KIAA1671: variants seen among roughly 807,000 people sequenced by gnomAD.
KIAA1671 encodes KIAA1671.
Under a neutral mutation model 131.2 loss-of-function variants are expected in KIAA1671, and 52 were observed. The ratio of observed to expected loss-of-function variants is 0.40; its 90% CI spans 0.32 to 0.50. The LOEUF (loss-of-function observed/expected upper bound fraction) is 0.50. Ranked by LOEUF, KIAA1671 falls within the 20% of genes least tolerant of loss-of-function variation. The probability of loss-of-function intolerance (pLI) is 0.73; values close to 1 mark genes in which losing one functional copy is unlikely to be tolerated. For synonymous variants in KIAA1671, 1,003 were observed against 961.6 expected (o/e 1.04, Z -0.80); for missense variants, 2,360 against 2,364.2 (o/e 1.00, Z 0.04).
intron 1 of KIAA1671, among the ~76,000 whole-genome samples, chr22:24,988,735 CAA>C (rs133092): frequency 0.15 from 15,574 of 106,324 alleles, 999 homozygotes; most frequent in East Asian, 0.45. Flanking sequence ...GACTCCATCT[CAA>C]AAAAAAAAAA....
At chr22:25,140,231 A>C (rs1199778625) in intron 6 of KIAA1671, among the ~76,000 whole-genome samples, 3 of 152,180 alleles carry the variant, frequency 2.0e-5, no homozygotes, top group Non-Finnish European at 2.9e-5. Flanking sequence ...GGCCCTGGCC[A>C]CTTGCTGGCT....
Position 25,055,857 on chromosome 22 carries a change from G to A in KIAA1671, c.4530+6493G>A, listed in dbSNP as rs1401647495. On this transcript the variant is annotated intron_variant, in intron 6 of 12. Transcript: ENST00000358431. The stretch of plus-strand genomic sequence containing the variant: ...ATATAGATACAGATACAGATATAGA[G>A]AGAGAGACAGGCAAACAGACAGACA... 3.4e-5 allele frequency: 5 copies of A among 149,250 alleles called. 1 individual carries two copies. The South Asian group carries it at 7.0e-4, about 21-fold the overall frequency. 9.2% of individuals were successfully genotyped at this position (149,250 alleles called of 1,614,324 possible).
At chr22:25,101,527 G>T (rs1006941313) in intron 6 of KIAA1671, among the ~76,000 whole-genome samples, 1 of 152,144 alleles carries the variant, frequency 6.6e-6, no homozygotes, top group Non-Finnish European at 1.5e-5. Flanking sequence ...TCATCCCAAG[G>T]TTAAAGACAT....
At position 25,040,948 on chromosome 22, in the gene KIAA1671, C is replaced by T. The variant is rs1040626705; in HGVS notation, c.3818C>T (p.Thr1273Ile). Residue 1273 changes from threonine (T) to isoleucine (I), a missense_variant, in exon 5 of 13, where the codon ACT becomes ATT. Physicochemically the swap from Thr to Ile is moderately conservative, Grantham distance 89. This residue lies in a region of KIAA1671 where 1,161 missense variants were observed against 1,204.7 expected (regional missense o/e 0.96). Coordinates refer to ENST00000358431, the MANE Select transcript of KIAA1671 (RefSeq NM_001145206.2). Reference sequence around the variant, plus strand: ...TCTGCCGAAATAAATCACAGTTTCACTCCTGGCTTAGGCAAGCAGCTGGCA... The same window carrying T: ...TCTGCCGAAATAAATCACAGTTTCATTCCTGGCTTAGGCAAGCAGCTGGCA... ...ASSAEINHSF[T>I]PGLGKQLAET... 1.9e-5 allele frequency: 28 copies of T among 1,479,916 alleles called. No homozygotes were observed. The highest frequency in any genetic ancestry group is 7.1e-5 in the African/African-American group (5 of 70,600). The allele number at this position is 1,479,916 out of a possible 1,614,324, so 91.7% of individuals were successfully genotyped here.
rs188997077 is a variant in KIAA1671, at chr22:25,159,980, C to T, written c.4531-10840C>T. 6.1e-4 allele frequency among the ~76,000 whole-genome samples: 93 copies of T among 152,216 alleles called. 2 individuals are homozygous for T. The highest frequency in any genetic ancestry group is 3.4e-3 in the Middle Eastern group (1 of 294). ...TTCATCATTAATTAGGTGGGTGCACCGCCAACACTGTGAACAATCTGAATA... is the reference window on the plus strand; with the variant it reads ...TTCATCATTAATTAGGTGGGTGCACTGCCAACACTGTGAACAATCTGAATA... On this transcript the variant is annotated intron_variant, in intron 6 of 12. Coordinates refer to ENST00000358431, the MANE Select transcript of KIAA1671 (RefSeq NM_001145206.2).
chr22:25,122,446 T>C (rs141029505), intron 6 of KIAA1671, among the ~76,000 whole-genome samples: 1 of 152,314 alleles, frequency 6.6e-6, no homozygotes, highest in East Asian at 1.9e-4. Flanking sequence ...CCCCTTAGTC[T>C]ACATGTTATT....
intron 6 of KIAA1671, among the ~76,000 whole-genome samples, chr22:25,098,181 A>C (rs1930482323): frequency 6.6e-6 from 1 of 152,216 alleles, no homozygotes. Context: ...TACTTGGAGG[A>C]GAGAGCAGCA....
At chr22:25,034,810 T>A (rs1926500203) in intron 4 of KIAA1671, among the ~76,000 whole-genome samples, 1 of 152,102 alleles carries the variant, frequency 6.6e-6, no homozygotes, top group Admixed American at 6.5e-5. Context: ...CGATCTCGGC[T>A]CACTGCAAGC....
intron 6 of KIAA1671, among the ~76,000 whole-genome samples, chr22:25,129,610 C>T (rs181909859): frequency 1.1e-3 from 172 of 151,040 alleles, no homozygotes; most frequent in African/African-American, 4.0e-3. Context: ...AAGCAGCTTG[C>T]TTGATGGCAT....
rs1186514130 is a variant in KIAA1671, at chr22:25,181,693, C to T, written c.5075-6C>T. 9 of 1,551,266 alleles carry T rather than the reference C, an allele frequency of 5.8e-6. No homozygotes were observed. The highest frequency in any genetic ancestry group is 7.0e-6 in the Non-Finnish European group (8 of 1,146,850). Reference sequence around the variant, plus strand: ...GATGAATTCAGTGCCCTTTTCTTTGCAACAGAGGAGAAATCACCCAGGAAG... The same window carrying T: ...GATGAATTCAGTGCCCTTTTCTTTGTAACAGAGGAGAAATCACCCAGGAAG... On this transcript the variant is annotated splice_region_variant and splice_polypyrimidine_tract_variant and intron_variant, in intron 9 of 12. Transcript: ENST00000358431.
intron 6 of KIAA1671, among the ~76,000 whole-genome samples, chr22:25,146,620 AG>A (rs902556455): frequency 1.3e-5 from 2 of 152,208 alleles, no homozygotes; most frequent in African/African-American, 2.4e-5. Context: ...TTTGTTCCCC[AG>A]GGCAGGTGAC....
rs1202423915 is a variant in KIAA1671 at position 25,194,714 on chromosome 22, A to C, written c.*2313A>C. 1 of 152,230 alleles carries C rather than the reference A, an allele frequency of 6.6e-6. No individual in the cohort carries two copies. Among genetic ancestry groups the C allele is most frequent in the African/African-American group, 2.4e-5 (1 of 41,466 alleles). 9.4% of individuals were successfully genotyped at this position (152,230 alleles called of 1,614,324 possible). On this transcript the variant is annotated 3_prime_UTR_variant, in exon 13 of 13. Transcript: ENST00000358431. ...TTGAAAGTGACTAGGGCAAGCCCTG[A>C]AGATCTTCCTCACCTCCTTTTATTT...
At chr22:25,178,194 A>G (rs1844878139) in intron 9 of KIAA1671, among the ~76,000 whole-genome samples, 1 of 152,150 alleles carries the variant, frequency 6.6e-6, no homozygotes, top group Admixed American at 6.5e-5. Context: ...ACCATCCTCC[A>G]AGGCCAGCAC....
At chr22:25,014,909 G>A (rs560924301) in intron 1 of KIAA1671, 2 of 152,172 alleles carry the variant, frequency 1.3e-5, no homozygotes, top group South Asian at 2.1e-4. Context: ...TAAAGCAGGG[G>A]TCAGCAAATT....
chr22:24,996,988 C>T (rs1924174251), intron 1 of KIAA1671, among the ~76,000 whole-genome samples: 1 of 152,184 alleles, frequency 6.6e-6, no homozygotes, highest in Non-Finnish European at 1.5e-5. Context: ...CGAATTTTAC[C>T]TTCTGTATGC....
chr22:24,995,051 T>G (rs912004104), intron 1 of KIAA1671, among the ~76,000 whole-genome samples: 8 of 150,990 alleles, frequency 5.3e-5, no homozygotes, highest in Non-Finnish European at 1.0e-4. Flanking sequence ...GTTAGGTTTT[T>G]TTTTTTTTTT....
rs1450892323 is a variant in KIAA1671 at position 25,093,718 on chromosome 22, C to T, written c.4530+44354C>T. ...ACACACACACACACACACACACACA[C>T]ACACACACACACACACACACTCTCT... is the stretch of plus-strand genomic sequence containing the variant. On this transcript the variant is annotated intron_variant, in intron 6 of 12. Coordinates refer to ENST00000358431, the MANE Select transcript of KIAA1671 (RefSeq NM_001145206.2). 4.8e-5 allele frequency among the ~76,000 whole-genome samples: 6 copies of T among 124,718 alleles called. 2 individuals are homozygous for T. Among genetic ancestry groups the T allele is most frequent in the African/African-American group, 2.7e-4 (6 of 21,880 alleles). The allele number at this position is 124,718 out of a possible 152,430, so 81.8% of individuals were successfully genotyped here.
intron 1 of KIAA1671, among the ~76,000 whole-genome samples, chr22:24,985,951 G>C (rs1168164013): frequency 6.6e-6 from 1 of 152,130 alleles, no homozygotes; most frequent in East Asian, 1.9e-4. Context: ...AGTAAGTGCC[G>C]ATGCTGTCTC....
chr22:25,149,927 C>T (rs1353267810), intron 6 of KIAA1671, among the ~76,000 whole-genome samples: 2 of 152,344 alleles, frequency 1.3e-5, no homozygotes, highest in East Asian at 3.9e-4. Flanking sequence ...CCCTGACCCC[C>T]TCCCCATGCC....
Sources: allele counts gnomAD v4.1 joint callset (sites outside exome capture counted in the v4.1 genomes callset), GRCh38; gene constraint gnomAD v4.1.1; regional missense constraint gnomAD v4.1.1; transcripts MANE v1.5; gene names NCBI Gene and HGNC (gene_info 2026-07-23, HGNC 2026-07-21).